Variants in ANKS1B observed in about 807,000 individuals in gnomAD.
ANKS1B encodes ankyrin repeat and sterile alpha motif domain-containing protein 1B.
ANKS1B carries 36 observed loss-of-function variants against 148.3 expected under a neutral mutation model. That is an observed-to-expected ratio of 0.24 (90% confidence interval 0.19 to 0.32). The LOEUF (loss-of-function observed/expected upper bound fraction) is 0.32, where lower values mean the gene tolerates loss of function less well. ANKS1B is among the 10% of genes least tolerant of loss of function. The probability of loss-of-function intolerance (pLI) is 1.00; values close to 1 mark genes in which losing one functional copy is unlikely to be tolerated. For missense variants in ANKS1B, 1,157 were observed against 1,542.6 expected (o/e 0.75, Z 4.19); for synonymous variants, 542 against 560.8 (o/e 0.97, Z 0.47).
rs1169056684 is a variant in ANKS1B at position 98,745,194 on chromosome 12, CAG to C, written c.*543_*544del. On this transcript the variant is annotated 3_prime_UTR_variant, in exon 27 of 27. Coordinates refer to ENST00000683438, the MANE Select transcript of ANKS1B (RefSeq NM_001352186.2). ...ATCCACAAATATAGAAATGGGGAAA[CAG>C]AATCTCCTGGCAATCATATCACGGG... 15 of 985,530 alleles carry C rather than the reference CAG, an allele frequency of 1.5e-5. No individual in the cohort carries two copies. Among genetic ancestry groups the C allele is most frequent in the Admixed American group, 6.2e-5 (1 of 16,256 alleles). The allele number at this position is 985,530 out of a possible 1,614,324, so 61.0% of individuals were successfully genotyped here.
intron 1 of ANKS1B, among the ~76,000 whole-genome samples, chr12:99,943,098 T>C (rs2094959984): frequency 6.6e-6 from 1 of 152,162 alleles, no homozygotes; most frequent in Non-Finnish European, 1.5e-5. Context: ...AGAAGCCCAC[T>C]TGTGCTGAAG....
intron 24 of ANKS1B, among the ~76,000 whole-genome samples, chr12:98,778,778 A>G (rs1425396583): frequency 6.6e-6 from 1 of 152,112 alleles, no homozygotes; most frequent in Non-Finnish European, 1.5e-5. Context: ...AACTCCACCA[A>G]TACGGCCTTC....
At chr12:98,996,096 G>A (rs2099929400) in intron 17 of ANKS1B, among the ~76,000 whole-genome samples, 1 of 152,140 alleles carries the variant, frequency 6.6e-6, no homozygotes, top group South Asian at 2.1e-4. Context: ...GGGACATTGG[G>A]TAGAATATTC....
At chr12:99,532,005 T>C (rs556077345) in intron 9 of ANKS1B, among the ~76,000 whole-genome samples, 6 of 152,168 alleles carry the variant, frequency 3.9e-5, no homozygotes, top group African/African-American at 1.4e-4. Context: ...TTTTGAAAAA[T>C]ATCTGTTCAT....
chr12:98,909,689 T>C (rs923092691), intron 17 of ANKS1B, among the ~76,000 whole-genome samples: 1 of 152,196 alleles, frequency 6.6e-6, no homozygotes, highest in Non-Finnish European at 1.5e-5. Flanking sequence ...ATCCCTTAGA[T>C]AACTGTAGGG....
intron 1 of ANKS1B, among the ~76,000 whole-genome samples, chr12:99,910,354 C>CAAAAAA (rs57222450): frequency 2.0e-4 from 10 of 51,056 alleles, no homozygotes; most frequent in Admixed American, 2.9e-4. Context: ...GACTCCATCT[C>CAAAAAA]AAAAAAAAAA....
At chr12:99,740,321 C>CAAAAACAAAAACA (rs1555579408) in intron 8 of ANKS1B, among the ~76,000 whole-genome samples, 2 of 150,162 alleles carry the variant, frequency 1.3e-5, no homozygotes, top group Non-Finnish European at 3.0e-5. Flanking sequence ...AAAACAAAAA[C>CAAAAACAAAAACA]AAAAACAAAA....
In ANKS1B at chr12:98,744,696, T is replaced by C. The variant is rs1332800613; in HGVS notation, c.*1043A>G. The C allele has an allele frequency of 1.0e-6, 1 of 965,566 alleles. No homozygotes were observed. The highest frequency in any genetic ancestry group is 1.2e-6 in the Non-Finnish European group (1 of 812,112). The allele number at this position is 965,566 out of a possible 1,614,324, so 59.8% of individuals were successfully genotyped here. Reference sequence around the variant, plus strand: ...AATTTCTTCTTTTTTTTTTTTGTATTTATTTTTTCTAGAAAAAGAAATTTT... The same window carrying C: ...AATTTCTTCTTTTTTTTTTTTGTATCTATTTTTTCTAGAAAAAGAAATTTT... On this transcript the variant is annotated 3_prime_UTR_variant, in exon 27 of 27. Transcript: ENST00000683438.
At chr12:99,437,097 C>T (rs779846472) in intron 11 of ANKS1B, among the ~76,000 whole-genome samples, 23 of 151,978 alleles carry the variant, frequency 1.5e-4, no homozygotes, top group Non-Finnish European at 2.9e-4. Flanking sequence ...TGGGGTCTCT[C>T]CCAGTTCTGG....
chr12:99,318,252 C>A (rs904342191), intron 12 of ANKS1B, among the ~76,000 whole-genome samples: 2 of 152,198 alleles, frequency 1.3e-5, no homozygotes, highest in African/African-American at 2.4e-5. Flanking sequence ...ACCAGCTCCT[C>A]TTTGTATCTC....
chr12:99,145,292 G>A (rs2072641835), intron 15 of ANKS1B, among the ~76,000 whole-genome samples: 1 of 152,032 alleles, frequency 6.6e-6, no homozygotes, highest in Admixed American at 6.6e-5. Flanking sequence ...TTTATATGAG[G>A]CAGTGTATGC....
chr12:98,751,640 G>A lies in ANKS1B; in HGVS notation c.3580-118C>T, dbSNP rs2098093046. 1.9e-5 allele frequency: 18 copies of A among 940,268 alleles called. No homozygotes were observed. Among genetic ancestry groups the A allele is most frequent in the South Asian group, 1.1e-4 (7 of 63,826 alleles). 58.2% of individuals were successfully genotyped at this position (940,268 alleles called of 1,614,324 possible). Reference sequence around the variant, plus strand: ...AGGAACTTGAACTACTTCACCAGAGGCAGCAGCGATTCGGTGGAAATCTAC... The same window carrying A: ...AGGAACTTGAACTACTTCACCAGAGACAGCAGCGATTCGGTGGAAATCTAC... On this transcript the variant is annotated intron_variant, in intron 25 of 26. Transcript: ENST00000683438. This position sits in a 1 kb window ranked among gnomAD's most constrained non-coding sequence, Gnocchi z 4.3.
chr12:99,180,460 C>G (rs1364096722), intron 14 of ANKS1B, among the ~76,000 whole-genome samples: 4 of 152,042 alleles, frequency 2.6e-5, no homozygotes, highest in Non-Finnish European at 5.9e-5. Context: ...GAAGAATCTT[C>G]TAATTAACTG....
chr12:99,220,737 G>A (rs958077641), intron 14 of ANKS1B, among the ~76,000 whole-genome samples: 9 of 152,070 alleles, frequency 5.9e-5, no homozygotes, highest in African/African-American at 2.2e-4. Flanking sequence ...GTGAGCCACT[G>A]CGCCCGGCCT....
intron 12 of ANKS1B, among the ~76,000 whole-genome samples, chr12:99,308,277 T>A (rs2082632563): frequency 6.6e-6 from 1 of 152,108 alleles, no homozygotes; most frequent in South Asian, 2.1e-4. Flanking sequence ...TATTACTTTG[T>A]AATCTATTTC....
chr12:99,146,987 T>C (rs778041561), intron 15 of ANKS1B, among the ~76,000 whole-genome samples: 19 of 152,160 alleles, frequency 1.2e-4, no homozygotes, highest in Non-Finnish European at 2.5e-4. Context: ...CTATGGCTGC[T>C]TTCATGCTAC....
Position 99,431,660 on chromosome 12 carries a change from A to C in ANKS1B, c.1575+12013T>G, listed in dbSNP as rs116952117. 2.8e-3 allele frequency among the ~76,000 whole-genome samples: 425 copies of C among 152,344 alleles called. 13 individuals carry two copies. The South Asian group carries it at 0.04, about 14-fold the overall frequency. On this transcript the variant is annotated intron_variant, in intron 11 of 26. Transcript: ENST00000683438. ...CACTTACAGAATGAGTAATCCATAG[A>C]TATTAGGACATTCTGACTAAGAGGA...
intron 12 of ANKS1B, among the ~76,000 whole-genome samples, chr12:99,362,876 G>T (rs1005723498): frequency 6.6e-6 from 1 of 151,934 alleles, no homozygotes; most frequent in Non-Finnish European, 1.5e-5. Context: ...GTTTTAAAAT[G>T]TCTTTGTTAT....
intron 9 of ANKS1B, among the ~76,000 whole-genome samples, chr12:99,619,259 G>A (rs761540710): frequency 5.3e-5 from 8 of 151,886 alleles, no homozygotes; most frequent in Non-Finnish European, 1.0e-4. Context: ...AGATTTCCAG[G>A]TATTCAGAGC....
Sources: gnomAD v4.1 joint callset for allele counts (sites outside exome capture counted in the v4.1 genomes callset) on GRCh38, gnomAD v4.1.1 for gene constraint, Gnocchi (gnomAD v3.1) non-coding constraint, MANE v1.5 for transcripts, NCBI Gene and HGNC (gene_info 2026-07-23, HGNC 2026-07-21) for gene names.